CLIP1: variants seen among roughly 807,000 people sequenced by gnomAD.
CLIP1 encodes the protein CAP-Gly domain containing linker protein 1.
In CLIP1, 66 loss-of-function variants were observed where a neutral mutation model predicts 161.6. The ratio of observed to expected loss-of-function variants is 0.41; its 90% CI spans 0.33 to 0.50. The LOEUF (loss-of-function observed/expected upper bound fraction) is 0.50, where lower values mean the gene tolerates loss of function less well. Among genes scored for constraint, CLIP1 ranks in the 20% least tolerant of loss-of-function variants. The probability of loss-of-function intolerance (pLI) is 0.27; values close to 1 mark genes in which losing one functional copy is unlikely to be tolerated. For synonymous variants in CLIP1, 598 were observed against 626.2 expected (o/e 0.96, Z 0.67); for missense variants, 1,376 against 1,702.0 (o/e 0.81, Z 3.37).
intron 19 of CLIP1, among the ~76,000 whole-genome samples, chr12:122,312,512 C>A (rs1414288707): frequency 6.6e-6 from 1 of 152,164 alleles, no homozygotes; most frequent in Non-Finnish European, 1.5e-5. Context: ...GCCTGTAATC[C>A]CAGCACTTTG....
intron 17 of CLIP1, among the ~76,000 whole-genome samples, chr12:122,327,318 C>T (rs1951747112): frequency 6.6e-6 from 1 of 152,092 alleles, no homozygotes; most frequent in East Asian, 1.9e-4. Context: ...GGCACAGATA[C>T]AATCCTAAAA....
intron 18 of CLIP1, 36 bp from the exon 19 acceptor site, chr12:122,316,891 T>C: frequency 8.0e-7 from 1 of 1,256,494 alleles, no homozygotes; most frequent in Non-Finnish European, 1.1e-6. Flanking sequence ...GATGAAATTA[T>C]TTCATTTTCC....
intron 17 of CLIP1, among the ~76,000 whole-genome samples, chr12:122,319,878 C>T (rs1439115430): frequency 6.6e-6 from 1 of 152,138 alleles, no homozygotes; most frequent in Admixed American, 6.5e-5. Flanking sequence ...TAACGAGAAG[C>T]ATTTAATGCA....
In CLIP1 at chr12:122,328,347, T is replaced by C. The variant is rs756945667; in HGVS notation, c.2947A>G (p.Thr983Ala). The change falls in exon 16 of 26, where the codon ACT (threonine) becomes GCT (alanine). Residue 983 changes from threonine to alanine, a missense_variant. By Grantham distance (58) the Thr-to-Ala change is moderately conservative (BLOSUM62 0). Around this residue, in one of 6 missense-constraint regions of CLIP1, gnomAD observed 948 missense variants for 1,134.8 expected, o/e 0.84. Transcript: ENST00000620786. ...SFLQKSIEDM[T>A]VKAEQSQQEA... ...TGCTGGCTCTGTTCAGCTTTGACAG[T>C]CATGTCCTCAATACTTTTTTGCAGA... is the stretch of plus-strand genomic sequence containing the variant. The C allele has an allele frequency of 6.2e-7, 1 of 1,613,958 alleles. No individual in the cohort carries two copies. The highest frequency in any genetic ancestry group is 1.1e-5 in the South Asian group (1 of 91,004).
chr12:122,409,118 TTTTTC>T (rs1956434465), intron 1 of CLIP1, among the ~76,000 whole-genome samples: 2 of 136,180 alleles, frequency 1.5e-5, no homozygotes, highest in Admixed American at 1.5e-4. Flanking sequence ...GCCTATAATA[TTTTTC>T]TTTTCTTTTT....
intron 19 of CLIP1, among the ~76,000 whole-genome samples, chr12:122,314,696 A>C (rs1793966030): frequency 6.6e-6 from 1 of 152,144 alleles, no homozygotes; most frequent in South Asian, 2.1e-4. Context: ...ATGGGACACA[A>C]TGCAGGAATT....
intron 20 of CLIP1, among the ~76,000 whole-genome samples, chr12:122,306,524 A>G (rs1950880300): frequency 6.6e-6 from 1 of 152,202 alleles, no homozygotes; most frequent in Non-Finnish European, 1.5e-5. Context: ...GAGAAGCAGA[A>G]GCACACGATC....
intron 3 of CLIP1, among the ~76,000 whole-genome samples, chr12:122,368,516 A>G (rs1954276760): frequency 6.6e-6 from 1 of 152,174 alleles, no homozygotes; most frequent in Non-Finnish European, 1.5e-5. Flanking sequence ...TTAATCTCAC[A>G]GTGCCTGAGT....
At chr12:122,341,762 CTT>C (rs57202144) in intron 10 of CLIP1, 65 bp from the exon 11 acceptor site, 19 of 98,638 alleles carry the variant, frequency 1.9e-4, no homozygotes, top group East Asian at 1.4e-3. Flanking sequence ...ATTTTCTTTT[CTT>C]TTTTTTTTTT....
chr12:122,395,833 C>T (rs1566223931), intron 1 of CLIP1: 1 of 152,196 alleles, frequency 6.6e-6, no homozygotes. Flanking sequence ...GCATCCCCGC[C>T]AGGCGTGGTG....
rs75162525 is a variant in CLIP1, at chr12:122,407,316, C to T, written c.-107+15205G>A. Among the ~76,000 whole-genome samples, 1,123 of 152,250 alleles carry T rather than the reference C, an allele frequency of 7.4e-3. 7 individuals carry two copies. Among genetic ancestry groups the T allele is most frequent in the Non-Finnish European group, 0.013 (858 of 68,016 alleles). Reference sequence around the variant, plus strand: ...TACTTAACAGTCTAGGACTAAAACCCCAATCTCCAGGCTCCTGACCCTAAT... The same window carrying T: ...TACTTAACAGTCTAGGACTAAAACCTCAATCTCCAGGCTCCTGACCCTAAT... On this transcript the variant is annotated intron_variant, in intron 1 of 25. Transcript: ENST00000620786.
intron 20 of CLIP1, among the ~76,000 whole-genome samples, chr12:122,288,902 G>A (rs1008117276): frequency 7.1e-6 from 1 of 140,698 alleles, no homozygotes; most frequent in African/African-American, 2.7e-5. Context: ...TGCAAGCTCC[G>A]CCTCCCGGGT....
chr12:122,365,186 G>C (rs894742494), intron 3 of CLIP1: 6 of 438,906 alleles, frequency 1.4e-5, no homozygotes, highest in Non-Finnish European at 2.4e-5. Context: ...GTATACATAT[G>C]TAACTAACCT....
Position 122,328,006 on chromosome 12 carries a change from C to T in CLIP1, c.3190G>A (p.Glu1064Lys). The T allele has an allele frequency of 1.2e-6, 2 of 1,614,172 alleles. No homozygotes were observed. The highest frequency in any genetic ancestry group is 1.7e-6 in the Non-Finnish European group (2 of 1,180,048). Residue 1064 changes from glutamate to lysine, a missense_variant, in exon 17 of 26, where the codon GAG becomes AAG. Glu to Lys is a moderately conservative substitution (Grantham distance 56, BLOSUM62 1). This residue lies in a region of CLIP1 where 948 missense variants were observed against 1,134.8 expected (regional missense o/e 0.84). Transcript: ENST00000620786. ...TEDKLKGARE[E>K]NSGLLQELEE... is the part of the protein sequence containing the mutation. ...AGCTCCTGCAGCAAGCCACTGTTCTCCTCCCGTGCGCCCTTCAGCTTGTCC... is the reference window on the plus strand; with the variant it reads ...AGCTCCTGCAGCAAGCCACTGTTCTTCTCCCGTGCGCCCTTCAGCTTGTCC...
chr12:122,291,077 G>C (rs139805614), intron 20 of CLIP1, among the ~76,000 whole-genome samples: 6,723 of 151,902 alleles, frequency 0.044, 209 homozygotes, highest in Middle Eastern at 0.12. Context: ...ATTTTTAGTA[G>C]AGGTGGGGTT....
Position 122,274,030 on chromosome 12 carries a change from T to C in CLIP1, c.4091+8A>G. On this transcript the variant is annotated splice_region_variant and intron_variant, in intron 25 of 25. Coordinates refer to ENST00000620786, the MANE Select transcript of CLIP1 (RefSeq NM_001247997.2). ...TTATAGCAATCAGTATGTCTTCATA[T>C]GAAATACCTGTCATAATTGTTTAGG... 2 of 1,612,324 alleles carry C rather than the reference T, an allele frequency of 1.2e-6. No homozygotes were observed. Among genetic ancestry groups the C allele is most frequent in the South Asian group, 2.2e-5 (2 of 91,034 alleles).
At chr12:122,284,586 A>T (rs1955776333) in intron 21 of CLIP1, among the ~76,000 whole-genome samples, 1 of 152,134 alleles carries the variant, frequency 6.6e-6, no homozygotes, top group Non-Finnish European at 1.5e-5. Flanking sequence ...TCCTGACCTC[A>T]GGTGATCCAC....
At chr12:122,422,774 G>A (rs1311002976), upstream of CLIP1, 3 of 109,664 alleles carry the variant, frequency 2.7e-5, no homozygotes, top group Non-Finnish European at 4.5e-5. Flanking sequence ...CCTGCGGCCC[G>A]CGCCCGGCCC....
intron 1 of CLIP1, among the ~76,000 whole-genome samples, chr12:122,409,696 T>TA: frequency 6.7e-6 from 1 of 150,186 alleles, no homozygotes; most frequent in South Asian, 2.1e-4. Context: ...CACCCCCAGC[T>TA]AGTTTTTGTA....
Sources: allele counts gnomAD v4.1 joint callset (sites outside exome capture counted in the v4.1 genomes callset), GRCh38; gene constraint gnomAD v4.1.1; regional missense constraint gnomAD v4.1.1; transcripts MANE v1.5; gene names NCBI Gene and HGNC (gene_info 2026-07-23, HGNC 2026-07-21).